Variants in SSPN observed in about 807,000 individuals in gnomAD.
SSPN encodes sarcospan, also known as K-ras oncogene-associated protein.
SSPN carries 15 observed loss-of-function variants against 19.1 expected under a neutral mutation model. The ratio of observed to expected loss-of-function variants is 0.78; its 90% confidence interval spans 0.52 to 1.21. The LOEUF is 1.21. Ranked by LOEUF, SSPN falls within the 50% of genes most tolerant of loss-of-function variation. The pLI, the probability that SSPN is intolerant of heterozygous loss-of-function variation, is 0.00. For missense variants in SSPN, 291 were observed against 314.0 expected (o/e 0.93, Z 0.55); for synonymous variants, 147 against 140.3 (o/e 1.05, Z -0.34).
chr12:26,129,913 C>G (rs1944388039), intron 1 of SSPN, among the ~76,000 whole-genome samples: 1 of 152,116 alleles, frequency 6.6e-6, no homozygotes, highest in Non-Finnish European at 1.5e-5. Flanking sequence ...CACGTGTGCT[C>G]AAAATTCCTG....
At chr12:26,124,411 GAAGCT>G in intron 1 of SSPN, 1 of 1,256,522 alleles carries the variant, frequency 8.0e-7, no homozygotes, top group Non-Finnish European at 1.2e-6. Flanking sequence ...CACAGTTGGG[GAAGCT>G]CAGGGGCTGG....
intron 2 of SSPN, 36 bp from the exon 3 acceptor site, chr12:26,230,675 T>C: frequency 6.4e-7 from 1 of 1,562,146 alleles, no homozygotes; most frequent in Non-Finnish European, 8.7e-7. Context: ...CCAATGTTCT[T>C]TGTAACCAGA....
chr12:26,124,958 GCACA>G lies in SSPN; in HGVS notation c.-31+2814_-31+2817del, dbSNP rs778562866. 30 of 690,570 alleles carry G rather than the reference GCACA, an allele frequency of 4.3e-5. 1 individual carries two copies. Among genetic ancestry groups the G allele is most frequent in the South Asian group, 3.0e-4 (19 of 63,902 alleles). 42.8% of individuals were successfully genotyped at this position (690,570 alleles called of 1,614,324 possible). ...TTGGTCCCCCCCCTCCACCGCGCTCGCACACACACACGCACACACACGCACACTC... is the reference window on the plus strand; with the variant it reads ...TTGGTCCCCCCCCTCCACCGCGCTCGCACACACGCACACACACGCACACTC... On this transcript the variant is annotated intron_variant, in intron 1 of 2. Transcript: ENST00000538142.
At chr12:26,201,048 A>AT (rs1358976377) in intron 1 of SSPN, among the ~76,000 whole-genome samples, 2,116 of 65,912 alleles carry the variant, frequency 0.032, 25 homozygotes, top group African/African-American at 0.041. Flanking sequence ...TATATATATT[A>AT]TATATATATA....
At chr12:26,134,291 C>T (rs1944413213) in intron 1 of SSPN, among the ~76,000 whole-genome samples, 1 of 152,194 alleles carries the variant, frequency 6.6e-6, no homozygotes, top group East Asian at 1.9e-4. Context: ...CCTTCTCTTC[C>T]TCCTACTCAA....
At chr12:26,197,672 A>G (rs1481327165) in intron 1 of SSPN, among the ~76,000 whole-genome samples, 2 of 152,222 alleles carry the variant, frequency 1.3e-5, no homozygotes, top group African/African-American at 2.4e-5. Flanking sequence ...TTTATGAACT[A>G]AAGCTCCTGT....
upstream of SSPN, among the ~76,000 whole-genome samples, chr12:26,193,764 A>C (rs954187302): frequency 1.3e-5 from 2 of 152,196 alleles, no homozygotes; most frequent in Non-Finnish European, 2.9e-5. Flanking sequence ...CTGCCTCTGC[A>C]TGGAACTGGG....
intron 1 of SSPN, among the ~76,000 whole-genome samples, chr12:26,142,298 G>A (rs1944465317): frequency 6.6e-6 from 1 of 152,186 alleles, no homozygotes; most frequent in Admixed American, 6.5e-5. Context: ...TGCTGGAGAT[G>A]GGAAACCAGT....
At chr12:26,186,577 A>C (rs909288239) in intron 1 of SSPN, among the ~76,000 whole-genome samples, 3 of 152,156 alleles carry the variant, frequency 2.0e-5, no homozygotes, top group South Asian at 2.1e-4. Flanking sequence ...TTGGAAATGA[A>C]CTCACTGCTC....
intron 1 of SSPN, among the ~76,000 whole-genome samples, chr12:26,215,271 TA>T (rs1256009882): frequency 6.6e-6 from 1 of 152,158 alleles, no homozygotes; most frequent in African/African-American, 2.4e-5. Flanking sequence ...AATCAGGAAA[TA>T]AGTACTATGA....
chr12:26,195,855 G>T lies in SSPN; in HGVS notation c.183G>T (p.Leu61=). 6.4e-7 allele frequency: 1 copy of T among 1,557,404 alleles called. No individual in the cohort carries two copies. The highest frequency in any genetic ancestry group is 2.5e-5 in the East Asian group (1 of 40,144). The part of the protein sequence containing the change: ...RFPLLLALLQ[L]ALGIAVTVVG... ...CGCTGCTGCTCGCCCTGCTGCAGCT[G>T]GCCCTGGGCATCGCCGTGACCGTGG... Residue 61 remains leucine, a synonymous_variant, in exon 1 of 3, where the codon CTG becomes CTT. Coordinates refer to ENST00000242729, the MANE Select transcript of SSPN (RefSeq NM_005086.5).
chr12:26,226,122 A>G lies in SSPN; in HGVS notation c.366+1743A>G, dbSNP rs151136573. 3.8e-3 allele frequency among the ~76,000 whole-genome samples: 571 copies of G among 152,224 alleles called. 5 individuals are homozygous for G. Among genetic ancestry groups the G allele is most frequent in the African/African-American group, 0.013 (524 of 41,534 alleles). ...ACTGAGGCACTTTCCTCTTCTCCTG[A>G]ACGTGACCTTTCTTGATGCTTGCTG... On this transcript the variant is annotated intron_variant, in intron 2 of 2. Coordinates refer to ENST00000242729, the MANE Select transcript of SSPN (RefSeq NM_005086.5).
chr12:26,170,406 G>A (rs987705542), intron 1 of SSPN, among the ~76,000 whole-genome samples: 12 of 152,192 alleles, frequency 7.9e-5, no homozygotes, highest in African/African-American at 2.2e-4. Flanking sequence ...AGTAAGAACT[G>A]TCCTAAGCCC....
intron 1 of SSPN, among the ~76,000 whole-genome samples, chr12:26,179,332 T>C (rs1165554957): frequency 1.3e-5 from 2 of 152,130 alleles, no homozygotes; most frequent in Non-Finnish European, 2.9e-5. Context: ...CTGGTGCTTT[T>C]ATACTTTGGG....
At chr12:26,152,567 C>T (rs1273456709) in intron 1 of SSPN, among the ~76,000 whole-genome samples, 1 of 152,120 alleles carries the variant, frequency 6.6e-6, no homozygotes, top group Non-Finnish European at 1.5e-5. Context: ...AATCCAACAG[C>T]CAATCATGCA....
intron 1 of SSPN, among the ~76,000 whole-genome samples, chr12:26,163,562 A>G (rs889059789): frequency 6.6e-6 from 1 of 152,210 alleles, no homozygotes; most frequent in Non-Finnish European, 1.5e-5. Context: ...CAGAAGGCAA[A>G]AAGGCAAGTG....
chr12:26,145,194 A>G (rs1467254996), intron 1 of SSPN, among the ~76,000 whole-genome samples: 1 of 152,162 alleles, frequency 6.6e-6, no homozygotes, highest in Non-Finnish European at 1.5e-5. Flanking sequence ...TTATTTTCTC[A>G]AGCCAGTTCC....
chr12:26,227,594 C>T (rs1945190830), intron 2 of SSPN, among the ~76,000 whole-genome samples: 2 of 152,214 alleles, frequency 1.3e-5, no homozygotes, highest in South Asian at 4.1e-4. Context: ...GAATTAATAT[C>T]CTCAGTCCTC....
At chr12:26,205,432 TG>T (rs1409902021) in intron 1 of SSPN, among the ~76,000 whole-genome samples, 2 of 152,046 alleles carry the variant, frequency 1.3e-5, no homozygotes, top group Non-Finnish European at 2.9e-5. Flanking sequence ...TATTACTAAG[TG>T]GGGGAAAAAA....
Sources: allele counts gnomAD v4.1 joint callset (sites outside exome capture counted in the v4.1 genomes callset), GRCh38; gene constraint gnomAD v4.1.1; transcripts MANE v1.5; gene names NCBI Gene and HGNC (gene_info 2026-07-23, HGNC 2026-07-21).